Variants in ERBB4 observed in about 807,000 individuals in gnomAD.
The protein encoded by ERBB4 is receptor tyrosine-protein kinase erbB-4.
In ERBB4, 42 loss-of-function variants were observed where a neutral mutation model predicts 158.0. The observed-to-expected ratio is 0.27, with a 90% CI of 0.21 to 0.34. The LOEUF is 0.34. Among genes scored for constraint, ERBB4 ranks in the 10% least tolerant of loss-of-function variants. ERBB4 has a pLI of 1.00. For synonymous variants in ERBB4, 583 were observed against 558.7 expected (o/e 1.04, Z -0.61); for missense variants, 1,333 against 1,624.1 (o/e 0.82, Z 3.08).
intron 12 of ERBB4, among the ~76,000 whole-genome samples, chr2:211,699,141 G>C (rs1178854042): frequency 6.6e-6 from 1 of 152,192 alleles, no homozygotes; most frequent in African/African-American, 2.4e-5. Flanking sequence ...ATTTAGATAA[G>C]TGTATTTGAT....
chr2:211,785,713 GA>G (rs1331450966), intron 4 of ERBB4, among the ~76,000 whole-genome samples: 1 of 151,910 alleles, frequency 6.6e-6, no homozygotes, highest in Non-Finnish European at 1.5e-5. Flanking sequence ...ATCACTGCTT[GA>G]AAATGATATT....
chr2:211,803,393 T>C (rs916173341), intron 3 of ERBB4, among the ~76,000 whole-genome samples: 1 of 152,216 alleles, frequency 6.6e-6, no homozygotes, highest in African/African-American at 2.4e-5. Context: ...TAATAAACTC[T>C]ACAACACTTC....
At chr2:211,694,949 A>G (rs1254684683) in intron 12 of ERBB4, among the ~76,000 whole-genome samples, 1 of 152,210 alleles carries the variant, frequency 6.6e-6, no homozygotes, top group Non-Finnish European at 1.5e-5. Flanking sequence ...GTAAATCTTA[A>G]TTTATAATCA....
chr2:212,380,535 T>C (rs2090469764), intron 1 of ERBB4, among the ~76,000 whole-genome samples: 1 of 150,488 alleles, frequency 6.6e-6, no homozygotes, highest in Non-Finnish European at 1.5e-5. Context: ...ACTGATGTAT[T>C]TGTTTAGGAA....
rs1429410584 is a variant in ERBB4, at chr2:212,281,533, C to T, written c.83-156630G>A. Reference sequence around the variant, plus strand: ...TAGTCAGGATTACCCATTTCATTTACATCAGTTGCTCTAGCTCTCTGTGTT... The same window carrying T: ...TAGTCAGGATTACCCATTTCATTTATATCAGTTGCTCTAGCTCTCTGTGTT... On this transcript the variant is annotated intron_variant, in intron 1 of 27. Transcript: ENST00000342788. Among the ~76,000 whole-genome samples, 7 of 151,792 alleles carry T rather than the reference C, an allele frequency of 4.6e-5. No individual in the cohort carries two copies. In the East Asian group the frequency reaches 7.8e-4, roughly 17 times the overall value.
intron 2 of ERBB4, among the ~76,000 whole-genome samples, chr2:212,118,529 C>T (rs1027010054): frequency 2.7e-5 from 4 of 148,100 alleles, no homozygotes; most frequent in Non-Finnish European, 4.5e-5. Context: ...TTATGTCTTA[C>T]GAAGAGTAGT....
intron 1 of ERBB4, among the ~76,000 whole-genome samples, chr2:212,322,297 G>GGGAT (rs549290897): frequency 8.0e-5 from 12 of 150,202 alleles, no homozygotes; most frequent in African/African-American, 2.7e-4. Flanking sequence ...GTGCATAATA[G>GGGAT]GGATAGTAAG....
At chr2:212,144,926 C>T (rs962750424) in intron 1 of ERBB4, among the ~76,000 whole-genome samples, 2 of 152,116 alleles carry the variant, frequency 1.3e-5, no homozygotes, top group Non-Finnish European at 2.9e-5. Context: ...AATATAATTT[C>T]TAATCTTAGT....
intron 5 of ERBB4, among the ~76,000 whole-genome samples, chr2:211,732,159 C>T (rs1313607192): frequency 6.6e-6 from 1 of 152,122 alleles, no homozygotes; most frequent in Non-Finnish European, 1.5e-5. Flanking sequence ...TGGTCTTAAA[C>T]TAGAACGCTC....
intron 21 of ERBB4, among the ~76,000 whole-genome samples, chr2:211,429,292 C>G (rs1360455830): frequency 1.3e-5 from 2 of 152,118 alleles, no homozygotes; most frequent in African/African-American, 4.8e-5. Flanking sequence ...TACTTGCCCC[C>G]TCCCTTCTCC....
chr2:212,352,774 A>T (rs370997585), intron 1 of ERBB4, among the ~76,000 whole-genome samples: 3 of 152,256 alleles, frequency 2.0e-5, no homozygotes, highest in African/African-American at 7.2e-5. Flanking sequence ...AGGCTGAGGC[A>T]GGAGAATCAT....
At chr2:212,367,420 CTTATATGAAAA>C (rs957189325) in intron 1 of ERBB4, among the ~76,000 whole-genome samples, 2 of 152,022 alleles carry the variant, frequency 1.3e-5, no homozygotes, top group African/African-American at 4.8e-5. Flanking sequence ...CATCTCTCAC[CTTATATGAAAA>C]TCAACTCAAG....
intron 1 of ERBB4, among the ~76,000 whole-genome samples, chr2:212,462,060 A>C (rs1392157302): frequency 2.6e-5 from 4 of 152,128 alleles, no homozygotes; most frequent in Non-Finnish European, 4.4e-5. Flanking sequence ...CAGCAGTGTG[A>C]AAATGGACTA....
chr2:211,636,150 AAGAC>A (rs1393305214), intron 16 of ERBB4, among the ~76,000 whole-genome samples: 2 of 152,050 alleles, frequency 1.3e-5, no homozygotes, highest in African/African-American at 4.8e-5. Flanking sequence ...AAAACAAACA[AAGAC>A]AGGCTAGTCA....
chr2:212,317,444 TG>T (rs2087341309), intron 1 of ERBB4, among the ~76,000 whole-genome samples: 1 of 151,600 alleles, frequency 6.6e-6, no homozygotes, highest in Non-Finnish European at 1.5e-5. Context: ...CCAGACCACA[TG>T]GCTAAGACTC....
At chr2:212,416,854 A>T (rs917735946) in intron 1 of ERBB4, among the ~76,000 whole-genome samples, 2 of 152,098 alleles carry the variant, frequency 1.3e-5, no homozygotes, top group African/African-American at 4.8e-5. Context: ...ACAAGATAAC[A>T]TCAGCATATT....
intron 19 of ERBB4, among the ~76,000 whole-genome samples, chr2:211,584,533 G>C (rs1048326198): frequency 6.6e-6 from 1 of 152,024 alleles, no homozygotes; most frequent in Non-Finnish European, 1.5e-5. Context: ...TCCGTGAAAA[G>C]AGTGTGATAT....
At chr2:212,451,681 T>C (rs548434734) in intron 1 of ERBB4, among the ~76,000 whole-genome samples, 1 of 152,320 alleles carries the variant, frequency 6.6e-6, no homozygotes, top group East Asian at 1.9e-4. Flanking sequence ...CTAGAAAACA[T>C]ATATTTTTAA....
At chr2:212,315,753 G>A (rs79891286) in intron 1 of ERBB4, among the ~76,000 whole-genome samples, 26,703 of 151,306 alleles carry the variant, frequency 0.18, 2,494 homozygotes, top group South Asian at 0.27. Context: ...GTCAGATTCC[G>A]GGCATTTTGT....
Sources: allele counts gnomAD v4.1 joint callset (sites outside exome capture counted in the v4.1 genomes callset), GRCh38; gene constraint gnomAD v4.1.1; transcripts MANE v1.5; gene names NCBI Gene and HGNC (gene_info 2026-07-23, HGNC 2026-07-21).